The following TMTC2 variants were observed in gnomAD, a reference collection of about 807,000 sequenced individuals.
TMTC2 encodes the protein transmembrane O-mannosyltransferase targeting cadherins 2.
Under a neutral mutation model 82.4 loss-of-function variants are expected in TMTC2, and 43 were observed. The observed-to-expected ratio is 0.52, with a 90% confidence interval of 0.41 to 0.67. TMTC2 has a LOEUF of 0.67. Ranked by LOEUF, TMTC2 falls within the 30% of genes least tolerant of loss-of-function variation. TMTC2 has a pLI of 0.00. For missense variants in TMTC2, 919 were observed against 1,012.4 expected (o/e 0.91, Z 1.25); for synonymous variants, 408 against 381.9 (o/e 1.07, Z -0.80).
At chr12:83,095,657 C>T (rs1884006028) in intron 11 of TMTC2, among the ~76,000 whole-genome samples, 1 of 152,086 alleles carries the variant, frequency 6.6e-6, no homozygotes, top group Non-Finnish European at 1.5e-5. Flanking sequence ...TAAACTGTAG[C>T]TTTACCAGTT....
At chr12:82,870,289 T>A (rs553713201) in intron 2 of TMTC2, among the ~76,000 whole-genome samples, 1 of 152,314 alleles carries the variant, frequency 6.6e-6, no homozygotes, top group African/African-American at 2.4e-5. Flanking sequence ...CATTTTGTCA[T>A]CCTAGTGCTC....
intron 10 of TMTC2, among the ~76,000 whole-genome samples, chr12:83,051,562 C>T (rs1882348089): frequency 6.6e-6 from 1 of 152,094 alleles, no homozygotes; most frequent in African/African-American, 2.4e-5. Context: ...AATTAAATGT[C>T]TCCAAAGCAA....
chr12:82,739,557 TG>T (rs1373054340), intron 1 of TMTC2, among the ~76,000 whole-genome samples: 2 of 152,122 alleles, frequency 1.3e-5, no homozygotes, highest in African/African-American at 4.8e-5. Flanking sequence ...TTTCTAACAC[TG>T]GACTATATAT....
chr12:83,076,530 C>T (rs1883287526), intron 11 of TMTC2, among the ~76,000 whole-genome samples: 2 of 152,192 alleles, frequency 1.3e-5, no homozygotes, highest in South Asian at 4.1e-4. Context: ...GAAATTACAG[C>T]TGATGTAACC....
rs866762229 is a variant in TMTC2, at chr12:82,825,107, A to G, written c.84-31903A>G. Among the ~76,000 whole-genome samples the G allele has an allele frequency of 4.8e-3, 729 of 152,200 alleles. 2 individuals carry two copies. Among genetic ancestry groups the G allele is most frequent in the African/African-American group, 0.017 (694 of 41,528 alleles). On this transcript the variant is annotated intron_variant, in intron 1 of 11. Transcript: ENST00000321196. Reference sequence around the variant, plus strand: ...CTGACTCAAAAAAAAAGAAAAAAAAAAAAGACATACGAGCAGATCAGAAGA... The same window carrying G: ...CTGACTCAAAAAAAAAGAAAAAAAAGAAAGACATACGAGCAGATCAGAAGA...
At chr12:82,826,115 A>T (rs1290236184) in intron 1 of TMTC2, among the ~76,000 whole-genome samples, 1 of 152,272 alleles carries the variant, frequency 6.6e-6, no homozygotes, top group Non-Finnish European at 1.5e-5. Context: ...AAGTAAACTT[A>T]CTAATCTTAT....
rs1271920285 is a variant in TMTC2 at position 82,719,059 on chromosome 12, T to TTATATATATATATA, written c.83+31404_83+31417dup. On this transcript the variant is annotated intron_variant, in intron 1 of 11. Coordinates refer to ENST00000321196, the MANE Select transcript of TMTC2 (RefSeq NM_152588.3). ...TACAATTCTACAGCTTTAGATGATTTTATATATATATATATATATATATAT... is the reference window on the plus strand; with the variant it reads ...TACAATTCTACAGCTTTAGATGATTTTATATATATATATATATATATATATATATATATATATAT... Among the ~76,000 whole-genome samples, 42 of 94,438 alleles carry TTATATATATATATA rather than the reference T, an allele frequency of 4.4e-4. 1 individual carries two copies. Among genetic ancestry groups the TTATATATATATATA allele is most frequent in the South Asian group, 1.9e-3 (5 of 2,604 alleles). 62.0% of individuals were successfully genotyped at this position (94,438 alleles called of 152,430 possible). A position where few individuals can be genotyped will look rare whatever the true frequency, so the allele number is the denominator to read the frequency against.
At chr12:83,032,592 TG>T in intron 9 of TMTC2, among the ~76,000 whole-genome samples, 1 of 152,154 alleles carries the variant, frequency 6.6e-6, no homozygotes, top group East Asian at 1.9e-4. Context: ...CTGCCCAGGC[TG>T]GTGTGCAATG....
chr12:82,922,900 T>G (rs1018542148), intron 3 of TMTC2, among the ~76,000 whole-genome samples: 5 of 152,160 alleles, frequency 3.3e-5, no homozygotes, highest in African/African-American at 1.2e-4. Flanking sequence ...CACATTGTAC[T>G]CCCATGATGG....
chr12:82,963,816 TA>T (rs1878054357), intron 4 of TMTC2, among the ~76,000 whole-genome samples: 2 of 82,396 alleles, frequency 2.4e-5, no homozygotes, highest in Non-Finnish European at 4.6e-5. Context: ...TATATATATA[TA>T]TATATATATA....
At chr12:82,688,253 G>C (rs1872424118) in intron 1 of TMTC2, among the ~76,000 whole-genome samples, 1 of 152,170 alleles carries the variant, frequency 6.6e-6, no homozygotes, top group Non-Finnish European at 1.5e-5. Context: ...CGCCGCCCTA[G>C]CCTCCTTCAC....
chr12:82,704,476 C>CTTTTGTGTG (rs1873247827), intron 1 of TMTC2, among the ~76,000 whole-genome samples: 1 of 151,950 alleles, frequency 6.6e-6, no homozygotes, highest in South Asian at 2.1e-4. Flanking sequence ...TGAAGAAAAT[C>CTTTTGTGTG]TTTTGTGTAT....
At chr12:82,722,827 CAGAT>C (rs1024593656) in intron 1 of TMTC2, among the ~76,000 whole-genome samples, 11 of 152,110 alleles carry the variant, frequency 7.2e-5, no homozygotes, top group Non-Finnish European at 7.4e-5. Context: ...AACAGAGAAA[CAGAT>C]AGTTTTAAAG....
At chr12:82,998,614 C>T (rs992733516) in intron 8 of TMTC2, among the ~76,000 whole-genome samples, 2 of 152,230 alleles carry the variant, frequency 1.3e-5, no homozygotes, top group East Asian at 1.9e-4. Context: ...CTTTTCCTCA[C>T]ATATCTCTGG....
intron 2 of TMTC2, among the ~76,000 whole-genome samples, chr12:82,891,798 A>G (rs917090402): frequency 2.0e-5 from 3 of 152,186 alleles, no homozygotes; most frequent in Non-Finnish European, 4.4e-5. Flanking sequence ...GCCATAGCAA[A>G]TCACAACACT....
chr12:82,978,072 T>A (rs1348017470), intron 7 of TMTC2, among the ~76,000 whole-genome samples: 1 of 151,842 alleles, frequency 6.6e-6, no homozygotes, highest in African/African-American at 2.4e-5. Flanking sequence ...TTCAGTCTTA[T>A]AAAATTATGA....
chr12:82,871,612 A>G (rs774808363), intron 2 of TMTC2, among the ~76,000 whole-genome samples: 1 of 151,738 alleles, frequency 6.6e-6, no homozygotes, highest in Non-Finnish European at 1.5e-5. Flanking sequence ...CAAAAAAATT[A>G]ATTTAGCCTG....
intron 8 of TMTC2, among the ~76,000 whole-genome samples, chr12:83,007,722 C>A (rs534144843): frequency 6.6e-6 from 1 of 152,058 alleles, no homozygotes; most frequent in East Asian, 1.9e-4. Flanking sequence ...CTTTCTATAA[C>A]CCTCTTCATT....
At chr12:82,823,521 T>A (rs1869234844) in intron 1 of TMTC2, among the ~76,000 whole-genome samples, 1 of 152,242 alleles carries the variant, frequency 6.6e-6, no homozygotes, top group Non-Finnish European at 1.5e-5. Context: ...GCTATGGAAT[T>A]AAAAATCAAA....
Sources: gnomAD v4.1 joint callset for allele counts (sites outside exome capture counted in the v4.1 genomes callset) on GRCh38, gnomAD v4.1.1 for gene constraint, MANE v1.5 for transcripts, NCBI Gene and HGNC (gene_info 2026-07-23, HGNC 2026-07-21) for gene names.